ST3GAL3: variants seen among roughly 807,000 people sequenced by gnomAD.
ST3GAL3 encodes ST3 beta-galactoside alpha-2,3-sialyltransferase 3, also known as CMP-N-acetylneuraminate-beta-1,4-galactoside alpha-2,3-sialyltransferase.
Under a neutral mutation model 50.1 loss-of-function variants are expected in ST3GAL3, and 21 were observed. That is an observed-to-expected ratio of 0.42 (90% CI 0.30 to 0.60). The LOEUF (loss-of-function observed/expected upper bound fraction) is 0.60. Among genes scored for constraint, ST3GAL3 ranks in the 20% least tolerant of loss-of-function variants. The pLI, the probability that ST3GAL3 is intolerant of heterozygous loss-of-function variation, is 0.19. For synonymous variants in ST3GAL3, 183 were observed against 190.0 expected, an observed-to-expected ratio of 0.96 and a Z score of 0.30; for missense variants, 353 against 489.4, an observed-to-expected ratio of 0.72 and a Z score of 2.63.
intron 3 of ST3GAL3, among the ~76,000 whole-genome samples, chr1:43,806,470 T>G (rs1440401924): frequency 6.6e-6 from 1 of 152,010 alleles, no homozygotes; most frequent in Admixed American, 6.6e-5. Flanking sequence ...AGGGTCTGCA[T>G]GTAGAAATGA....
intron 1 of ST3GAL3, among the ~76,000 whole-genome samples, chr1:43,720,780 C>T (rs1670024191): frequency 6.6e-6 from 1 of 152,208 alleles, no homozygotes; most frequent in South Asian, 2.1e-4. Context: ...CCCTCTTCCA[C>T]TCTTAGGTAT....
chr1:43,814,943 A>G lies in ST3GAL3; in HGVS notation c.209+10A>G, dbSNP rs763959477. The G allele has an allele frequency of 3.1e-5, 50 of 1,613,740 alleles. No individual in the cohort carries two copies. The highest frequency in any genetic ancestry group is 1.6e-4 in the Middle Eastern group (1 of 6,084). On this transcript the variant is annotated intron_variant, in intron 4 of 11. Transcript: ENST00000347631. ...ATCTGGACTCTAAACTGTGAGTAGAATGAGAAGATACCTTGGCTCTGTGGC... is the reference window on the plus strand; with the variant it reads ...ATCTGGACTCTAAACTGTGAGTAGAGTGAGAAGATACCTTGGCTCTGTGGC...
chr1:43,830,537 T>A (rs2063408157), intron 4 of ST3GAL3, among the ~76,000 whole-genome samples: 1 of 152,236 alleles, frequency 6.6e-6, no homozygotes, highest in African/African-American at 2.4e-5. Context: ...TGACACCTGC[T>A]TTGAGAGCCT....
At chr1:43,908,890 C>T (rs1443201984) in intron 9 of ST3GAL3, among the ~76,000 whole-genome samples, 2 of 152,140 alleles carry the variant, frequency 1.3e-5, no homozygotes, top group African/African-American at 4.8e-5. Context: ...CCTCAGCCTC[C>T]CAAAGTGCTG....
intron 5 of ST3GAL3, among the ~76,000 whole-genome samples, chr1:43,893,586 C>T (rs2076951911): frequency 6.6e-6 from 1 of 152,166 alleles, no homozygotes; most frequent in African/African-American, 2.4e-5. Flanking sequence ...CCCCTCCCTG[C>T]CCATTCCAAG....
chr1:43,857,595 C>CCTTCCTTCCTTA (rs2068808044), intron 5 of ST3GAL3, among the ~76,000 whole-genome samples: 1 of 123,510 alleles, frequency 8.1e-6, no homozygotes, highest in Non-Finnish European at 1.7e-5. Flanking sequence ...TCCCTTCCTT[C>CCTTCCTTCCTTA]CTTCCTTCCT....
intron 1 of ST3GAL3, among the ~76,000 whole-genome samples, chr1:43,719,416 C>T (rs1251654037): frequency 2.6e-5 from 4 of 151,310 alleles, no homozygotes; most frequent in Non-Finnish European, 5.9e-5. Flanking sequence ...AATACTAGCA[C>T]TTTGGGAGGC....
In ST3GAL3 at chr1:43,828,707, C is replaced by T. The variant is rs76357029; in HGVS notation, c.210-9512C>T. ...TGCAAATTAAAACAACAGTGAAATA[C>T]TATCACACCTATTAGAATGACTAAA... On this transcript the variant is annotated intron_variant, in intron 4 of 11. Transcript: ENST00000347631. Among the ~76,000 whole-genome samples, 158 of 152,192 alleles carry T rather than the reference C, an allele frequency of 1.0e-3. 2 individuals carry two copies. Among genetic ancestry groups the T allele is most frequent in the African/African-American group, 3.6e-3 (149 of 41,536 alleles).
chr1:43,812,048 A>G (rs928690432), intron 3 of ST3GAL3, among the ~76,000 whole-genome samples: 1 of 152,164 alleles, frequency 6.6e-6, no homozygotes, highest in Non-Finnish European at 1.5e-5. Flanking sequence ...ATCCTGTTAC[A>G]CTAATTTGAT....
intron 1 of ST3GAL3, among the ~76,000 whole-genome samples, chr1:43,735,392 G>A (rs1163188348): frequency 6.6e-6 from 1 of 152,228 alleles, no homozygotes; most frequent in Admixed American, 6.5e-5. Flanking sequence ...TGGAAGAGAA[G>A]CAAGATATGG....
intron 9 of ST3GAL3, among the ~76,000 whole-genome samples, chr1:43,905,829 ACTCTTCTTTCTCCTCCTCCTGTTC>A (rs2079412845): frequency 1.3e-5 from 1 of 76,780 alleles, no homozygotes; most frequent in Non-Finnish European, 2.5e-5. Context: ...TCTTCCTACC[ACTCTTCTTTCTCCTCCTCCTGTTC>A]CTCTTCCTCC....
intron 1 of ST3GAL3, among the ~76,000 whole-genome samples, chr1:43,718,745 T>G (rs1377030667): frequency 7.5e-6 from 1 of 133,386 alleles, no homozygotes; most frequent in Non-Finnish European, 1.5e-5. Context: ...TGGAGTGCAG[T>G]GGAGTGATCT....
chr1:43,712,426 A>C (rs745394421), intron 1 of ST3GAL3, among the ~76,000 whole-genome samples: 3 of 152,184 alleles, frequency 2.0e-5, no homozygotes, highest in Non-Finnish European at 1.5e-5. Context: ...AGGTGCTCTC[A>C]TCATCCACAA....
intron 1 of ST3GAL3, chr1:43,716,647 A>G (rs1009348486): frequency 6.6e-6 from 1 of 151,962 alleles, no homozygotes; most frequent in Non-Finnish European, 1.5e-5. Context: ...GAATGAGTGA[A>G]TGGCGGTACC....
chr1:43,730,239 A>G (rs1675008066), intron 1 of ST3GAL3, among the ~76,000 whole-genome samples: 1 of 152,204 alleles, frequency 6.6e-6, no homozygotes, highest in Admixed American at 6.5e-5. Flanking sequence ...TATTTGTTGA[A>G]AAGAATGGCT....
intron 3 of ST3GAL3, among the ~76,000 whole-genome samples, chr1:43,812,079 A>G (rs1263333171): frequency 5.3e-5 from 8 of 152,168 alleles, no homozygotes; most frequent in Non-Finnish European, 2.9e-5. Flanking sequence ...GACTGCTGTG[A>G]CCAAATAATC....
At chr1:43,767,918 A>G (rs907838334) in intron 2 of ST3GAL3, among the ~76,000 whole-genome samples, 4 of 152,168 alleles carry the variant, frequency 2.6e-5, no homozygotes, top group Non-Finnish European at 5.9e-5. Context: ...ACTTTAATGC[A>G]TGTTAGAAAA....
chr1:43,785,760 A>G (rs1437685229), intron 2 of ST3GAL3, among the ~76,000 whole-genome samples: 8 of 151,994 alleles, frequency 5.3e-5, no homozygotes, highest in Non-Finnish European at 1.2e-4. Context: ...GTACTTCCCA[A>G]TTTAAATTCC....
chr1:43,851,640 C>T, intron 5 of ST3GAL3: 2 of 1,273,202 alleles, frequency 1.6e-6, no homozygotes, highest in South Asian at 2.4e-5. Context: ...TTGTAAACCT[C>T]AACATCGCTG....
Sources: gnomAD v4.1 joint callset for allele counts (sites outside exome capture counted in the v4.1 genomes callset) on GRCh38, gnomAD v4.1.1 for gene constraint, MANE v1.5 for transcripts, NCBI Gene and HGNC (gene_info 2026-07-23, HGNC 2026-07-21) for gene names.